The following CATSPERT variants were observed in gnomAD, a reference collection of about 807,000 sequenced individuals.
The protein encoded by CATSPERT is catsper channel auxiliary subunit tau, also known as cation channel sperm-associated targeting subunit tau.
chr2:201,581,544 GTGTGTATATATATATATATATA>G, the CATSPERT span, among the ~76,000 whole-genome samples: 1 of 9,380 alleles, frequency 1.1e-4, no homozygotes, highest in Non-Finnish European at 1.9e-4. Context: ...GGAAAAAAAT[GTGTGTATATATATATATATATA>G]TATATATATA....
At chr2:201,563,906 C>T in the CATSPERT span, among the ~76,000 whole-genome samples, 11 of 152,250 alleles carry the variant, frequency 7.2e-5, no homozygotes, top group African/African-American at 2.6e-4. Context: ...GACATGGAGC[C>T]CATCATTTGG....
chr2:201,612,127 A>C, the CATSPERT span, among the ~76,000 whole-genome samples: 38 of 152,174 alleles, frequency 2.5e-4, no homozygotes, highest in African/African-American at 8.9e-4. Flanking sequence ...TTATATCATT[A>C]TTTCCTTTTG....
chr2:201,505,560 T>C, the CATSPERT span, among the ~76,000 whole-genome samples: 13 of 152,106 alleles, frequency 8.5e-5, no homozygotes, highest in African/African-American at 2.9e-4. Flanking sequence ...CAAACACAGA[T>C]TGGGGACATT....
the CATSPERT span, among the ~76,000 whole-genome samples, chr2:201,561,803 G>C: frequency 1.3e-5 from 2 of 151,828 alleles, no homozygotes; most frequent in Admixed American, 1.3e-4. Flanking sequence ...GAACTCGGGA[G>C]GCAGAGGTTG....
At chr2:201,493,058 A>T in the CATSPERT span, 1 of 1,536,258 alleles carries the variant, frequency 6.5e-7, no homozygotes. Context: ...AGTCTTTCTA[A>T]TTCTTTTTCT....
At chr2:201,583,842 T>C in the CATSPERT span, among the ~76,000 whole-genome samples, 1 of 152,226 alleles carries the variant, frequency 6.6e-6, no homozygotes, top group South Asian at 2.1e-4. Context: ...GAGCTATGTT[T>C]ACTATGTTTA....
chr2:201,534,646 C>T, the CATSPERT span: 1 of 984,674 alleles, frequency 1.0e-6, no homozygotes, highest in Non-Finnish European at 1.2e-6. Flanking sequence ...ATTTAAAAGA[C>T]CATTAATACT....
the CATSPERT span, among the ~76,000 whole-genome samples, chr2:201,570,671 C>T: frequency 3.9e-5 from 6 of 152,078 alleles, no homozygotes; most frequent in South Asian, 2.1e-4. Flanking sequence ...TCTCAATCAC[C>T]GTATCTTGCC....
chr2:201,507,790 G>C, the CATSPERT span, among the ~76,000 whole-genome samples: 2 of 152,090 alleles, frequency 1.3e-5, no homozygotes, highest in East Asian at 1.9e-4. Context: ...AAGCATGACT[G>C]GGGGGGCCTC....
chr2:201,515,214 T>TAG, the CATSPERT span, among the ~76,000 whole-genome samples: 191 of 30,172 alleles, frequency 6.3e-3, 42 homozygotes, highest in Non-Finnish European at 7.8e-3. Context: ...TTTTTTTTTT[T>TAG]TTTTTTTTTT....
the CATSPERT span, chr2:201,535,693 G>A: frequency 8.1e-7 from 1 of 1,241,514 alleles, no homozygotes; most frequent in South Asian, 3.5e-5. Context: ...ATTGATATAA[G>A]TAAAGCAGGA....
the CATSPERT span, chr2:201,536,017 T>C: frequency 6.2e-7 from 1 of 1,612,834 alleles, no homozygotes; most frequent in African/African-American, 1.3e-5. Context: ...CTCCTCAAAT[T>C]TACCTCTGAT....
the CATSPERT span, among the ~76,000 whole-genome samples, chr2:201,543,602 T>C: frequency 6.6e-6 from 1 of 152,214 alleles, no homozygotes; most frequent in Admixed American, 6.5e-5. Context: ...TTTTATTCTT[T>C]TTGATGCTAT....
the CATSPERT span, among the ~76,000 whole-genome samples, chr2:201,560,821 C>T: frequency 6.6e-6 from 1 of 150,688 alleles, no homozygotes; most frequent in Non-Finnish European, 1.5e-5. Context: ...CTTGTTCTGT[C>T]GCCCAGGCTG....
chr2:201,595,976 G>C, the CATSPERT span, among the ~76,000 whole-genome samples: 2 of 150,694 alleles, frequency 1.3e-5, no homozygotes, highest in Non-Finnish European at 2.9e-5. Flanking sequence ...CACTGTTGGT[G>C]GGAGTATAAA....
the CATSPERT span, chr2:201,492,459 C>T: frequency 6.5e-7 from 1 of 1,533,142 alleles, no homozygotes; most frequent in Non-Finnish European, 8.7e-7. Context: ...AAGGATATTT[C>T]ATGTTTATTT....
chr2:201,584,413 T>C, the CATSPERT span, among the ~76,000 whole-genome samples: 1 of 152,120 alleles, frequency 6.6e-6, no homozygotes, highest in Non-Finnish European at 1.5e-5. Context: ...AGTGTAAGAA[T>C]ACCTAACGTA....
the CATSPERT span, chr2:201,511,705 AG>A: frequency 6.6e-6 from 1 of 151,994 alleles, no homozygotes; most frequent in South Asian, 2.1e-4. Flanking sequence ...AAAAATGTGA[AG>A]GAACTATTGA....
At chr2:201,574,332 G>T in the CATSPERT span, 1 of 1,405,182 alleles carries the variant, frequency 7.1e-7, no homozygotes, top group Non-Finnish European at 9.7e-7. Flanking sequence ...AATGGAGAAG[G>T]GACAAAAAGT....
Sources: gnomAD v4.1 joint callset for allele counts (sites outside exome capture counted in the v4.1 genomes callset) on GRCh38, gnomAD v4.1.1 for gene constraint, MANE v1.5 for transcripts, NCBI Gene and HGNC (gene_info 2026-07-23, HGNC 2026-07-21) for gene names.